The following LRRCC1 variants were observed in gnomAD, a reference collection of about 807,000 sequenced individuals.
LRRCC1 encodes leucine rich repeat and coiled-coil centrosomal protein 1, also known as leucine-rich repeat and coiled-coil domain-containing protein 1.
A neutral mutation model predicts 126.0 loss-of-function variants in LRRCC1; 115 were observed. The observed-to-expected ratio is 0.91, with a 90% CI of 0.78 to 1.07. The LOEUF (loss-of-function observed/expected upper bound fraction) is 1.07. LRRCC1 is among the 50% of genes least tolerant of loss of function. LRRCC1 has a pLI of 0.00. For missense variants in LRRCC1, 1,172 were observed against 1,175.7 expected, an observed-to-expected ratio of 1.00 and a Z score of 0.05; for synonymous variants, 400 against 393.4, an observed-to-expected ratio of 1.02 and a Z score of -0.20.
Position 85,115,370 on chromosome 8 carries a change from C to T in LRRCC1, c.721-5C>T. The T allele has an allele frequency of 6.2e-7, 1 of 1,610,444 alleles. No individual in the cohort carries two copies. Among genetic ancestry groups the T allele is most frequent in the Non-Finnish European group, 8.5e-7 (1 of 1,177,212 alleles). On this transcript the variant is annotated splice_region_variant and splice_polypyrimidine_tract_variant and intron_variant, in intron 5 of 18. Coordinates refer to ENST00000360375, the MANE Select transcript of LRRCC1 (RefSeq NM_033402.5). ...AAAGGATTTTGGTTTGTTTCTGTGTCATAGATCATTGATAGAATGCCAGTG... is the reference window on the plus strand; with the variant it reads ...AAAGGATTTTGGTTTGTTTCTGTGTTATAGATCATTGATAGAATGCCAGTG...
intron 3 of LRRCC1, 145 bp downstream of exon 3, chr8:85,110,325 T>G: frequency 2.5e-6 from 1 of 396,350 alleles, no homozygotes. Context: ...ATTCCAGTCA[T>G]GATTCTATTT....
chr8:85,141,337 C>T (rs1811234546), intron 17 of LRRCC1, 45 bp from the exon 18 acceptor site: 1 of 1,490,460 alleles, frequency 6.7e-7, no homozygotes, highest in African/African-American at 1.4e-5. Context: ...TTTACATTCA[C>T]ACCACATATA....
chr8:85,129,052 CA>C, intron 9 of LRRCC1, 122 bp from the exon 10 acceptor site: 1 of 732,802 alleles, frequency 1.4e-6, no homozygotes, highest in Non-Finnish European at 2.3e-6. Flanking sequence ...TATAGCATAT[CA>C]AACAGGAGTT....
chr8:85,136,247 A>G (rs184775673), intron 14 of LRRCC1, among the ~76,000 whole-genome samples: 16 of 152,072 alleles, frequency 1.1e-4, no homozygotes, highest in Non-Finnish European at 1.8e-4. Context: ...GCTTTTACAA[A>G]TCAGCATCTG....
At chr8:85,138,527 G>T in intron 17 of LRRCC1, 52 bp downstream of exon 17, 18 of 1,526,610 alleles carry the variant, frequency 1.2e-5, no homozygotes, top group Non-Finnish European at 1.6e-5. Flanking sequence ...TAAACACTGT[G>T]GAATGGGTGA....
chr8:85,138,708 A>G (rs1219683021), intron 17 of LRRCC1, among the ~76,000 whole-genome samples: 1 of 152,212 alleles, frequency 6.6e-6, no homozygotes, highest in Non-Finnish European at 1.5e-5. Context: ...GATGTGGCTT[A>G]TATGAATTAT....
chr8:85,123,133 A>G (rs1012970834), intron 6 of LRRCC1, among the ~76,000 whole-genome samples: 3 of 152,166 alleles, frequency 2.0e-5, no homozygotes, highest in Non-Finnish European at 4.4e-5. Flanking sequence ...GCTCCCCTCT[A>G]GGATAATCCT....
chr8:85,132,059 G>C, intron 12 of LRRCC1, 98 bp downstream of exon 12: 1 of 986,910 alleles, frequency 1.0e-6, no homozygotes, highest in Non-Finnish European at 1.5e-6. Context: ...TTAAATGTTG[G>C]CTTCATAATC....
At chr8:85,128,088 A>T (rs1251379730) in intron 9 of LRRCC1, among the ~76,000 whole-genome samples, 1 of 152,214 alleles carries the variant, frequency 6.6e-6, no homozygotes. Flanking sequence ...CATGAGGCAA[A>T]GCCTGAGTGT....
intron 6 of LRRCC1, among the ~76,000 whole-genome samples, chr8:85,121,502 C>A (rs578112154): frequency 2.0e-3 from 297 of 152,066 alleles, no homozygotes; most frequent in Non-Finnish European, 3.9e-3. Context: ...AATGCAATGG[C>A]GTGATCTCAG....
chr8:85,135,357 G>C (rs1810775860), intron 13 of LRRCC1, among the ~76,000 whole-genome samples: 1 of 152,146 alleles, frequency 6.6e-6, no homozygotes, highest in East Asian at 1.9e-4. Context: ...TGGATTGCTG[G>C]TATTAATTTT....
chr8:85,116,449 C>G (rs1026459785), intron 6 of LRRCC1, among the ~76,000 whole-genome samples: 20 of 152,166 alleles, frequency 1.3e-4, no homozygotes, highest in African/African-American at 4.8e-4. Context: ...ACATAGCTCA[C>G]TGCAGCCTCG....
intron 6 of LRRCC1, among the ~76,000 whole-genome samples, chr8:85,116,554 G>C (rs1809141990): frequency 6.6e-6 from 1 of 151,904 alleles, no homozygotes; most frequent in Non-Finnish European, 1.5e-5. Flanking sequence ...TAAATTCTTT[G>C]TGTGGAGACT....
In LRRCC1 at chr8:85,138,182, A is replaced by G; in HGVS notation, c.2641A>G (p.Lys881Glu). The change falls in exon 16 of 19, where the codon AAA becomes GAA. Residue 881 changes from lysine to glutamate, a missense_variant. Transcript: ENST00000360375. ...GGAAAGGCACAATGAAAGAAAAGAA[A>G]AACTAAAACAACAGTTGAAAGGAAA... ...KLERHNERKE[K>E]LKQQLKGKEV... 3.1e-6 allele frequency: 5 copies of G among 1,612,438 alleles called. No individual in the cohort carries two copies. The highest frequency in any genetic ancestry group is 4.2e-6 in the Non-Finnish European group (5 of 1,179,246).
intron 9 of LRRCC1, among the ~76,000 whole-genome samples, chr8:85,127,739 C>T (rs183048721): frequency 3.9e-4 from 59 of 152,196 alleles, no homozygotes; most frequent in African/African-American, 1.3e-3. Flanking sequence ...AATTCTAATA[C>T]GCAACATGCA....
chr8:85,110,089 T>G, intron 2 of LRRCC1, 26 bp from the exon 3 acceptor site: 1 of 964,412 alleles, frequency 1.0e-6, no homozygotes, highest in Admixed American at 2.4e-5. Context: ...ATAAAGGCTT[T>G]ATTTTATTTT....
chr8:85,118,368 A>G (rs191121514), intron 6 of LRRCC1, among the ~76,000 whole-genome samples: 163 of 152,178 alleles, frequency 1.1e-3, no homozygotes, highest in Non-Finnish European at 1.8e-4. Context: ...GTAAACATGT[A>G]TCTTTGTTTC....
Position 85,112,957 on chromosome 8 carries a change from G to T in LRRCC1, c.402G>T (p.Lys134Asn), listed in dbSNP as rs776152803. 2 of 1,578,932 alleles carry T rather than the reference G, an allele frequency of 1.3e-6. No homozygotes were observed. Among genetic ancestry groups the T allele is most frequent in the Admixed American group, 1.9e-5 (1 of 53,958 alleles). ...GATTGATTCCCCTTCATGGAATTAA[G>T]CATAAACTTAGATATATTGATCTAC... is the stretch of plus-strand genomic sequence containing the variant. ...LSGLIPLHGI[K>N]HKLRYIDLHS... is the part of the protein sequence containing the mutation. Residue 134 changes from lysine (K) to asparagine (N), a missense_variant, in exon 4 of 19, where the codon AAG (lysine) becomes AAT (asparagine). Coordinates refer to ENST00000360375, the MANE Select transcript of LRRCC1 (RefSeq NM_033402.5).
intron 18 of LRRCC1, among the ~76,000 whole-genome samples, chr8:85,144,549 A>G (rs1436150189): frequency 9.0e-5 from 13 of 144,062 alleles, no homozygotes; most frequent in Non-Finnish European, 1.8e-4. Flanking sequence ...CCTTACTGCA[A>G]CCTCCACCTC....
Sources: allele counts gnomAD v4.1 joint callset (sites outside exome capture counted in the v4.1 genomes callset), GRCh38; gene constraint gnomAD v4.1.1; transcripts MANE v1.5; gene names NCBI Gene and HGNC (gene_info 2026-07-23, HGNC 2026-07-21).